Variants in IGF1R observed in about 807,000 individuals in gnomAD.
IGF1R encodes insulin like growth factor 1 receptor.
In IGF1R, 44 loss-of-function variants were observed where a neutral mutation model predicts 144.6. That is an observed-to-expected ratio of 0.30 (90% confidence interval 0.24 to 0.39). The LOEUF (loss-of-function observed/expected upper bound fraction) is 0.39. IGF1R is among the 10% of genes least tolerant of loss of function. The probability of loss-of-function intolerance (pLI) is 1.00; values close to 1 mark genes in which losing one functional copy is unlikely to be tolerated. For missense variants in IGF1R, 1,355 were observed against 1,833.7 expected (o/e 0.74, Z 4.77); for synonymous variants, 795 against 722.8 (o/e 1.10, Z -1.60).
intron 2 of IGF1R, among the ~76,000 whole-genome samples, chr15:98,817,405 CA>C (rs2056718131): frequency 6.6e-6 from 1 of 152,016 alleles, no homozygotes; most frequent in Non-Finnish European, 1.5e-5. Flanking sequence ...TAGTGATGAG[CA>C]TCTAAGAAGA....
rs746767282 is a variant in IGF1R, at chr15:98,704,264, GAGTTGGGGGAC to G, written c.95-3287_95-3277del. On this transcript the variant is annotated intron_variant, in intron 1 of 20. Coordinates refer to ENST00000650285, the MANE Select transcript of IGF1R (RefSeq NM_000875.5). This position sits in a 1 kb window ranked among gnomAD's most constrained non-coding sequence, Gnocchi z 4.9. ...AATGAGAGGTAGGGGAGGGAGGGAG[GAGTTGGGGGAC>G]AGTTGGGGGAATAGTTGAAGCTAAG... Among the ~76,000 whole-genome samples the G allele has an allele frequency of 5.3e-5, 8 of 152,136 alleles. No individual in the cohort carries two copies. The East Asian group carries it at 5.8e-4, about 11-fold the overall frequency.
intron 2 of IGF1R, among the ~76,000 whole-genome samples, chr15:98,868,219 C>T (rs144362874): frequency 1.2e-3 from 181 of 147,650 alleles, no homozygotes; most frequent in Non-Finnish European, 1.8e-3. Context: ...TGGTGGTGCA[C>T]ACCTGTAGTC....
chr15:98,907,434 G>A (rs986894507), intron 5 of IGF1R, among the ~76,000 whole-genome samples: 1 of 152,216 alleles, frequency 6.6e-6, no homozygotes, highest in Middle Eastern at 3.2e-3. Flanking sequence ...AGGGAGGGCT[G>A]GGGTTCTTTC....
intron 2 of IGF1R, among the ~76,000 whole-genome samples, chr15:98,752,208 A>G (rs1030943938): frequency 5.9e-5 from 9 of 152,110 alleles, no homozygotes; most frequent in African/African-American, 2.2e-4. Context: ...TCCACAAAAC[A>G]TTCGTGTGTG....
intron 1 of IGF1R, among the ~76,000 whole-genome samples, chr15:98,651,886 G>GTGGA (rs3070543): frequency 0.079 from 12,056 of 152,186 alleles, 567 homozygotes; most frequent in South Asian, 0.15. Context: ...TCTCTGAAAT[G>GTGGA]TGGAGAATTA....
intron 5 of IGF1R, among the ~76,000 whole-genome samples, chr15:98,901,000 A>T (rs185105072): frequency 8.5e-5 from 13 of 152,266 alleles, no homozygotes; most frequent in Admixed American, 8.5e-4. Context: ...TTCCATTAGG[A>T]ATTATTATGT....
chr15:98,862,849 A>G lies in IGF1R; in HGVS notation c.641-28476A>G, dbSNP rs528903239. ...ATTTCAGACTTGCATAAAGGTTACAAAGAGTACCAGGAGTTCTGGAACACC... is the reference window on the plus strand; with the variant it reads ...ATTTCAGACTTGCATAAAGGTTACAGAGAGTACCAGGAGTTCTGGAACACC... On this transcript the variant is annotated intron_variant, in intron 2 of 20. Coordinates refer to ENST00000650285, the MANE Select transcript of IGF1R (RefSeq NM_000875.5). 2.0e-5 allele frequency among the ~76,000 whole-genome samples: 3 copies of G among 152,360 alleles called. No homozygotes were observed. In the South Asian group the frequency reaches 6.2e-4, roughly 32 times the overall value.
At chr15:98,923,789 TGG>T in intron 11 of IGF1R, 85 bp from the exon 12 acceptor site, 3 of 1,038,986 alleles carry the variant, frequency 2.9e-6, no homozygotes, top group Non-Finnish European at 3.0e-6. Context: ...CCCGTGTGGA[TGG>T]GGGGGTTATT....
At chr15:98,812,899 G>A (rs1379386443) in intron 2 of IGF1R, among the ~76,000 whole-genome samples, 1 of 152,172 alleles carries the variant, frequency 6.6e-6, no homozygotes, top group African/African-American at 2.4e-5. Flanking sequence ...GAAATGTACT[G>A]TTGTTGACCA....
chr15:98,755,650 C>T (rs185352852), intron 2 of IGF1R, among the ~76,000 whole-genome samples: 3 of 130,860 alleles, frequency 2.3e-5, no homozygotes, highest in Admixed American at 9.6e-5. Context: ...ACCCAGGAGG[C>T]GGAGGTTGCA....
chr15:98,824,330 T>C (rs1408348100), intron 2 of IGF1R: 1 of 152,304 alleles, frequency 6.6e-6, no homozygotes, highest in Admixed American at 6.5e-5. Context: ...CCTTTATGTT[T>C]TCCTCTGCTC....
At chr15:98,901,789 G>A (rs1174662413) in intron 5 of IGF1R, among the ~76,000 whole-genome samples, 6 of 152,272 alleles carry the variant, frequency 3.9e-5, no homozygotes, top group South Asian at 2.1e-4. Context: ...GAAGGCTTTC[G>A]GGAAAAACTT....
At chr15:98,729,036 A>G (rs183032461) in intron 2 of IGF1R, among the ~76,000 whole-genome samples, 64 of 152,366 alleles carry the variant, frequency 4.2e-4, no homozygotes, top group Non-Finnish European at 1.6e-4. Context: ...CAATGCCTCA[A>G]TGAAATATTA....
At chr15:98,820,716 T>G (rs1356055782) in intron 2 of IGF1R, 2 of 152,208 alleles carry the variant, frequency 1.3e-5, no homozygotes, top group Non-Finnish European at 2.9e-5. Flanking sequence ...ACACATTAAG[T>G]GCATATAAAA....
In IGF1R at chr15:98,915,855, T is replaced by C. The variant is rs2015220200; in HGVS notation, c.1829-109T>C. 3.1e-6 allele frequency: 3 copies of C among 968,368 alleles called. No individual in the cohort carries two copies. The Admixed American group carries it at 5.1e-5, about 16-fold the overall frequency. The allele number at this position is 968,368 out of a possible 1,614,324, so 60.0% of individuals were successfully genotyped here. A position where few individuals can be genotyped will look rare whatever the true frequency, so the allele number is the denominator to read the frequency against. On this transcript the variant is annotated intron_variant, in intron 8 of 20. Coordinates refer to ENST00000650285, the MANE Select transcript of IGF1R (RefSeq NM_000875.5). ...TTGTATTTCATTGTTCATTGTTATT[T>C]TCTTATCCAGGTCAAACTGGCAGTT...
In IGF1R at chr15:98,942,937, C is replaced by T. The variant is rs1287599859; in HGVS notation, c.3472C>T (p.Arg1158Ter). The T allele has an allele frequency of 6.2e-7, 1 of 1,614,002 alleles. No individual in the cohort carries two copies. The highest frequency in any genetic ancestry group is 8.5e-7 in the Non-Finnish European group (1 of 1,180,014). ...TVKIGDFGMTRDIYETDYYRK... is the reference protein window; with the variant it reads ...TVKIGDFGMT The stretch of plus-strand genomic sequence containing the variant: ...TTCCCTTACAGATTTTGGTATGACG[C>T]GAGATATCTATGAGACAGACTATTA... Residue 1158 changes from arginine to a stop codon, truncating the protein, a stop_gained, in exon 19 of 21, where the codon CGA becomes TGA. Transcript: ENST00000650285. LOFTEE classifies it high-confidence loss of function.
chr15:98,671,264 T>C (rs2052883925), intron 1 of IGF1R, among the ~76,000 whole-genome samples: 1 of 152,222 alleles, frequency 6.6e-6, no homozygotes, highest in African/African-American at 2.4e-5. Flanking sequence ...AAAACAAAAG[T>C]GACCATTGTT....
chr15:98,660,882 G>A (rs1031118219), intron 1 of IGF1R, among the ~76,000 whole-genome samples: 26 of 152,152 alleles, frequency 1.7e-4, no homozygotes, highest in African/African-American at 2.4e-4. Flanking sequence ...TTGGAGCTGG[G>A]TTCCTGAGGA....
At chr15:98,659,964 A>G (rs1045631418) in intron 1 of IGF1R, among the ~76,000 whole-genome samples, 10 of 152,170 alleles carry the variant, frequency 6.6e-5, no homozygotes, top group African/African-American at 2.4e-5. Flanking sequence ...CACACCGTCT[A>G]TATTTCGCTA....
Sources: gnomAD v4.1 joint callset for allele counts (sites outside exome capture counted in the v4.1 genomes callset) on GRCh38, gnomAD v4.1.1 for gene constraint, Gnocchi (gnomAD v3.1) non-coding constraint, MANE v1.5 for transcripts, NCBI Gene and HGNC (gene_info 2026-07-23, HGNC 2026-07-21) for gene names.